Variants in ESRRG observed in about 807,000 individuals in gnomAD.
ESRRG encodes the protein estrogen related receptor gamma, also known as estrogen-related receptor gamma.
In ESRRG, 13 loss-of-function variants were observed where a neutral mutation model predicts 44.0. That is an observed-to-expected ratio of 0.30 (90% CI 0.19 to 0.47). ESRRG has a LOEUF of 0.47. Ranked by LOEUF, ESRRG falls within the 20% of genes least tolerant of loss-of-function variation. The pLI, the probability that ESRRG is intolerant of heterozygous loss-of-function variation, is 1.00. For missense variants in ESRRG, 395 were observed against 580.6 expected (o/e 0.68, Z 3.29); for synonymous variants, 215 against 214.6 (o/e 1.00, Z -0.02).
At position 217,131,727 on chromosome 1, in the gene ESRRG, C is replaced by T. The variant is rs114326387; in HGVS notation, c.-230+5940G>A. On this transcript the variant is annotated intron_variant, in intron 1 of 8. Coordinates refer to the ESRRG transcript ENST00000366940. ...CCTGAACATATGGCTAATACATAATCGGAGAATTCTATTTCTTCACTTAAG... is the reference window on the plus strand; with the variant it reads ...CCTGAACATATGGCTAATACATAATTGGAGAATTCTATTTCTTCACTTAAG... 6.3e-3 allele frequency among the ~76,000 whole-genome samples: 959 copies of T among 152,286 alleles called. 10 individuals are homozygous for T. The highest frequency in any genetic ancestry group is 0.022 in the African/African-American group (915 of 41,550).
intron 3 of ESRRG, among the ~76,000 whole-genome samples, chr1:216,620,010 T>G (rs2061968208): frequency 6.6e-6 from 1 of 152,116 alleles, no homozygotes; most frequent in Non-Finnish European, 1.5e-5. Context: ...TCAAACATAA[T>G]CCTGTTATTA....
chr1:216,608,881 G>C (rs916572944), intron 3 of ESRRG, among the ~76,000 whole-genome samples: 7 of 152,120 alleles, frequency 4.6e-5, no homozygotes, highest in African/African-American at 1.7e-4. Context: ...AATATATCTA[G>C]AGTAATATAG....
intron 1 of ESRRG, among the ~76,000 whole-genome samples, chr1:216,708,867 C>T (rs953228542): frequency 1.3e-4 from 20 of 152,060 alleles, no homozygotes; most frequent in Admixed American, 1.2e-3. Context: ...ATATACACCA[C>T]GGAATACTGT....
intron 2 of ESRRG, among the ~76,000 whole-genome samples, chr1:216,931,107 G>A (rs1054438661): frequency 2.0e-5 from 3 of 152,170 alleles, no homozygotes; most frequent in Non-Finnish European, 4.4e-5. Context: ...GCCAAGTTCA[G>A]TGAAGGGGCA....
chr1:216,533,008 A>G (rs1003869668), intron 5 of ESRRG, among the ~76,000 whole-genome samples: 6 of 152,180 alleles, frequency 3.9e-5, no homozygotes, highest in Admixed American at 6.6e-5. Context: ...TACAGCTTAG[A>G]ATAATTATAA....
At chr1:217,084,102 G>T (rs1246804373) in intron 1 of ESRRG, among the ~76,000 whole-genome samples, 3 of 148,536 alleles carry the variant, frequency 2.0e-5, no homozygotes, top group Non-Finnish European at 4.5e-5. Flanking sequence ...TCCCCATTAA[G>T]GGAGGAAAGA....
At chr1:216,916,289 G>T (rs922551249) in intron 2 of ESRRG, among the ~76,000 whole-genome samples, 1 of 152,130 alleles carries the variant, frequency 6.6e-6, no homozygotes, top group Non-Finnish European at 1.5e-5. Flanking sequence ...TGCTGCCCCT[G>T]TTTCAAATCT....
At chr1:216,682,884 CT>C (rs908523206) in intron 1 of ESRRG, among the ~76,000 whole-genome samples, 2 of 152,120 alleles carry the variant, frequency 1.3e-5, no homozygotes, top group African/African-American at 4.8e-5. Context: ...TTTTTCCCCC[CT>C]GCTTCAACTA....
intron 2 of ESRRG, among the ~76,000 whole-genome samples, chr1:216,661,457 C>A (rs1163695207): frequency 6.6e-6 from 1 of 152,126 alleles, no homozygotes; most frequent in South Asian, 2.1e-4. Flanking sequence ...ATAAAATATT[C>A]TTGGAAAAGA....
chr1:216,623,819 A>T (rs952321537), intron 3 of ESRRG, among the ~76,000 whole-genome samples: 3 of 152,202 alleles, frequency 2.0e-5, no homozygotes, highest in Non-Finnish European at 4.4e-5. Flanking sequence ...GAAAATGCCC[A>T]TGTGTGTGCA....
chr1:216,536,860 A>G (rs2051122994), intron 5 of ESRRG, among the ~76,000 whole-genome samples: 1 of 152,046 alleles, frequency 6.6e-6, no homozygotes, highest in Non-Finnish European at 1.5e-5. Flanking sequence ...AAATAAAAAT[A>G]TAGCAGGCAG....
chr1:217,002,498 A>T (rs1210898908), intron 1 of ESRRG, among the ~76,000 whole-genome samples: 1 of 152,052 alleles, frequency 6.6e-6, no homozygotes, highest in East Asian at 1.9e-4. Context: ...ACACATATAC[A>T]GTATATTAAT....
At chr1:216,515,784 C>A (rs1055899049) in intron 6 of ESRRG, among the ~76,000 whole-genome samples, 1 of 151,962 alleles carries the variant, frequency 6.6e-6, no homozygotes, top group Non-Finnish European at 1.5e-5. Context: ...TCTTATGACT[C>A]GAGCAACAGA....
intron 2 of ESRRG, among the ~76,000 whole-genome samples, chr1:216,932,350 G>A (rs1307169065): frequency 6.6e-6 from 1 of 152,176 alleles, no homozygotes; most frequent in East Asian, 1.9e-4. Flanking sequence ...TGGCAAGGCA[G>A]TAAATCCATG....
At chr1:216,610,302 G>C (rs1217363619) in intron 3 of ESRRG, among the ~76,000 whole-genome samples, 1 of 151,716 alleles carries the variant, frequency 6.6e-6, no homozygotes, top group African/African-American at 2.4e-5. Context: ...ATAACGCTGA[G>C]CTGAGAAAAA....
chr1:217,025,628 T>C (rs548302378), intron 1 of ESRRG, among the ~76,000 whole-genome samples: 1 of 152,312 alleles, frequency 6.6e-6, no homozygotes, highest in Non-Finnish European at 1.5e-5. Flanking sequence ...AAAAAAAGCA[T>C]AATCTCTGTA....
chr1:217,059,447 G>T (rs1448519735), intron 1 of ESRRG, among the ~76,000 whole-genome samples: 1 of 151,994 alleles, frequency 6.6e-6, no homozygotes, highest in Non-Finnish European at 1.5e-5. Flanking sequence ...CTTACCCAAA[G>T]AAAGCAGAGC....
intron 2 of ESRRG, among the ~76,000 whole-genome samples, chr1:216,913,163 G>GA (rs1166651999): frequency 1.5e-5 from 2 of 135,902 alleles, no homozygotes; most frequent in African/African-American, 5.3e-5. Flanking sequence ...GAAAATATTT[G>GA]AAAAAAATTG....
intron 2 of ESRRG, among the ~76,000 whole-genome samples, chr1:216,788,634 T>C (rs1466792405): frequency 6.6e-6 from 1 of 152,140 alleles, no homozygotes; most frequent in East Asian, 1.9e-4. Context: ...CAAGGAGTAA[T>C]TTCAACTTTC....
Sources: allele counts gnomAD v4.1 joint callset (sites outside exome capture counted in the v4.1 genomes callset), GRCh38; gene constraint gnomAD v4.1.1; transcripts MANE v1.5; gene names NCBI Gene and HGNC (gene_info 2026-07-23, HGNC 2026-07-21).